Variants in PPIA observed in about 807,000 individuals in gnomAD.
PPIA encodes the protein peptidylprolyl isomerase A, also known as peptidyl-prolyl cis-trans isomerase A.
PPIA carries 2 observed loss-of-function variants against 15.3 expected under a neutral mutation model. That is an observed-to-expected ratio of 0.13 (90% CI 0.05 to 0.41). The LOEUF is 0.41. Ranked by LOEUF, PPIA falls within the 10% of genes least tolerant of loss-of-function variation. The pLI, the probability that PPIA is intolerant of heterozygous loss-of-function variation, is 0.99. For missense variants in PPIA, 103 were observed against 210.3 expected, an observed-to-expected ratio of 0.49 and a Z score of 3.16; for synonymous variants, 67 against 73.1, an observed-to-expected ratio of 0.92 and a Z score of 0.43.
chr7:44,801,501 G>T lies in PPIA; in HGVS notation c.*79G>T, dbSNP rs549994697. ...GAGCACCCCTCCACCCCATTTGCTC[G>T]CAGTATCCTAGAATCTTTGTGCTCT... On this transcript the variant is annotated 3_prime_UTR_variant, in exon 5 of 5. Coordinates refer to ENST00000468812, the MANE Select transcript of PPIA (RefSeq NM_021130.5). 1.8e-6 allele frequency: 2 copies of T among 1,125,084 alleles called. No individual in the cohort carries two copies. Among genetic ancestry groups the T allele is most frequent in the Non-Finnish European group, 2.6e-6 (2 of 777,642 alleles). The allele number at this position is 1,125,084 out of a possible 1,614,324, so 69.7% of individuals were successfully genotyped here. A position where few individuals can be genotyped will look rare whatever the true frequency, so the allele number is the denominator to read the frequency against.
chr7:44,799,608 CAGTTTGAACTTGGGTTTAA>C, intron 3 of PPIA, 75 bp from the exon 4 acceptor site: 1 of 1,578,296 alleles, frequency 6.3e-7, no homozygotes, highest in Non-Finnish European at 8.7e-7. Flanking sequence ...CCCTTCTATT[CAGTTTGAACTTGGGTTTAA>C]AGTTTGAACC....
intron 1 of PPIA, chr7:44,798,728 A>G (rs1046017645): frequency 1.0e-6 from 1 of 985,704 alleles, no homozygotes; most frequent in Non-Finnish European, 1.2e-6. Flanking sequence ...ACCAATCTTT[A>G]TTTTTTACCC....
chr7:44,797,187 G>C (rs1394188280), intron 1 of PPIA, among the ~76,000 whole-genome samples: 1 of 152,206 alleles, frequency 6.6e-6, no homozygotes, highest in African/African-American at 2.4e-5. Context: ...ACGCTCGCGG[G>C]GGCTTGCGAC....
intron 1 of PPIA, 156 bp from the exon 2 acceptor site, chr7:44,799,091 G>T (rs985072949): frequency 1.3e-5 from 14 of 1,086,648 alleles, no homozygotes; most frequent in Non-Finnish European, 1.8e-5. Context: ...TGCCTGCAGG[G>T]CCTTATGGCT....
intron 1 of PPIA, among the ~76,000 whole-genome samples, chr7:44,797,092 C>A (rs1792395227): frequency 6.6e-6 from 1 of 152,182 alleles, no homozygotes; most frequent in South Asian, 2.1e-4. Flanking sequence ...CGCACGTGCT[C>A]GGCGGCCGCG....
At chr7:44,799,575 T>A in intron 3 of PPIA, 95 bp downstream of exon 3, 2 of 1,569,454 alleles carry the variant, frequency 1.3e-6, no homozygotes, top group Non-Finnish European at 1.7e-6. Flanking sequence ...GAACTGTTAC[T>A]CTACCATTTC....
chr7:44,797,602 G>A (rs1018962083), intron 1 of PPIA, among the ~76,000 whole-genome samples: 1 of 152,132 alleles, frequency 6.6e-6, no homozygotes, highest in East Asian at 1.9e-4. Flanking sequence ...TGGCCACAAG[G>A]CAGGCCTCTT....
chr7:44,800,398 C>CT (rs57466816), intron 4 of PPIA: 45,954 of 141,966 alleles, frequency 0.32, 8,037 homozygotes, highest in Non-Finnish European at 0.39. Context: ...CAATTAAGTG[C>CT]TTTTTTTTTT....
rs1413157149 is a variant in PPIA, at chr7:44,802,968, G to C, written c.*1546G>C. Reference sequence around the variant, plus strand: ...TTTGTTTTACTGTCTGGTTCCTTCTGCGTGAATTACCACCACCACCACTTG... The same window carrying C: ...TTTGTTTTACTGTCTGGTTCCTTCTCCGTGAATTACCACCACCACCACTTG... On this transcript the variant is annotated 3_prime_UTR_variant, in exon 5 of 5. Coordinates refer to ENST00000468812, the MANE Select transcript of PPIA (RefSeq NM_021130.5). The C allele has an allele frequency of 6.6e-6, 1 of 152,166 alleles. No individual in the cohort carries two copies. Among genetic ancestry groups the C allele is most frequent in the East Asian group, 1.9e-4 (1 of 5,200 alleles). 9.4% of individuals were successfully genotyped at this position (152,166 alleles called of 1,614,324 possible).
rs910508214 is a variant in PPIA, at chr7:44,803,014, T to G, written c.*1592T>G. 2.6e-5 allele frequency: 4 copies of G among 152,198 alleles called. No individual in the cohort carries two copies. Among genetic ancestry groups the G allele is most frequent in the Non-Finnish European group, 5.9e-5 (4 of 68,040 alleles). 9.4% of individuals were successfully genotyped at this position (152,198 alleles called of 1,614,324 possible). ...ACTTGTGCATCTCAGTCTTGTGTGT[T>G]GTCTGGTTACGTATTCCCTGGGTGA... is the stretch of plus-strand genomic sequence containing the variant. On this transcript the variant is annotated 3_prime_UTR_variant, in exon 5 of 5. Transcript: ENST00000468812.
At position 44,801,733 on chromosome 7, in the gene PPIA, T is replaced by C. The variant is rs1369598395; in HGVS notation, c.*311T>C. On this transcript the variant is annotated 3_prime_UTR_variant, in exon 5 of 5. Transcript: ENST00000468812. ...TGCTTAATTCTACACAGTACTTAGA[T>C]TTTTTTTACTTTCCAGTCCCAGGAA... The C allele has an allele frequency of 6.0e-6, 1 of 165,504 alleles. No individual in the cohort carries two copies. Among genetic ancestry groups the C allele is most frequent in the African/African-American group, 1.1e-4 (1 of 9,420 alleles). 10.3% of individuals were successfully genotyped at this position (165,504 alleles called of 1,614,324 possible).
At position 44,796,820 on chromosome 7, in the gene PPIA, T is replaced by C. The variant is rs559945278; in HGVS notation, c.69+27T>C. ...TCGGGCGGGCGGCGGCGTGCGGGAA[T>C]GGGGCCCAGAAAGTGGGCCGGGGTC... is the stretch of plus-strand genomic sequence containing the variant. On this transcript the variant is annotated intron_variant, in intron 1 of 4. Transcript: ENST00000468812. 14 of 1,578,724 alleles carry C rather than the reference T, an allele frequency of 8.9e-6. No individual in the cohort carries two copies. In the African/African-American group the frequency reaches 1.4e-4, roughly 16 times the overall value.
chr7:44,796,719 T>C lies in PPIA; in HGVS notation c.-6T>C, dbSNP rs1188021935. On this transcript the variant is annotated 5_prime_UTR_variant, in exon 1 of 5. Coordinates refer to ENST00000468812, the MANE Select transcript of PPIA (RefSeq NM_021130.5). Reference sequence around the variant, plus strand: ...CACCGCCGAGGAAAACCGTGTACTATTAGCCATGGTCAACCCCACCGTGTT... The same window carrying C: ...CACCGCCGAGGAAAACCGTGTACTACTAGCCATGGTCAACCCCACCGTGTT... 1 of 1,610,512 alleles carries C rather than the reference T, an allele frequency of 6.2e-7. No individual in the cohort carries two copies. The highest frequency in any genetic ancestry group is 1.3e-5 in the African/African-American group (1 of 74,482).
intron 2 of PPIA, 56 bp downstream of exon 2, chr7:44,799,333 G>T (rs1792474824): frequency 1.1e-5 from 17 of 1,605,302 alleles, no homozygotes; most frequent in Non-Finnish European, 1.4e-5. Context: ...GTTTGTGTGT[G>T]TGTGTGTATA....
intron 4 of PPIA, 115 bp from the exon 5 acceptor site, chr7:44,801,172 C>G (rs569508755): frequency 8.4e-7 from 1 of 1,194,898 alleles, no homozygotes; most frequent in East Asian, 2.6e-5. Context: ...ACATTTAGTA[C>G]AAAAGGCTTC....
At chr7:44,797,289 A>T (rs1237983062) in intron 1 of PPIA, among the ~76,000 whole-genome samples, 1 of 152,094 alleles carries the variant, frequency 6.6e-6, no homozygotes. Flanking sequence ...TCAAGGATCG[A>T]GGCGCGGTGT....
At chr7:44,800,800 G>A (rs1351713006) in intron 4 of PPIA, among the ~76,000 whole-genome samples, 1 of 151,786 alleles carries the variant, frequency 6.6e-6, no homozygotes, top group Non-Finnish European at 1.5e-5. Flanking sequence ...TTGGGGGAGG[G>A]GGGCGCAATT....
In PPIA at chr7:44,802,678, C is replaced by G. The variant is rs958695092; in HGVS notation, c.*1256C>G. The G allele has an allele frequency of 6.6e-6, 1 of 152,190 alleles. No homozygotes were observed. The highest frequency in any genetic ancestry group is 1.5e-5 in the Non-Finnish European group (1 of 68,048). 9.4% of individuals were successfully genotyped at this position (152,190 alleles called of 1,614,324 possible). ...TGTAGCATATAGAGCCTCTCCCTAG[C>G]TTTGGTTATGGAGGCTTTGAGGTTT... On this transcript the variant is annotated 3_prime_UTR_variant, in exon 5 of 5. Transcript: ENST00000468812.
At chr7:44,799,659 T>C (rs762727686) in intron 3 of PPIA, 43 bp from the exon 4 acceptor site, 1 of 1,611,034 alleles carries the variant, frequency 6.2e-7, no homozygotes, top group South Asian at 1.1e-5. Context: ...GCACACTTCA[T>C]GGTTATGTTG....
Sources: allele counts gnomAD v4.1 joint callset (sites outside exome capture counted in the v4.1 genomes callset), GRCh38; gene constraint gnomAD v4.1.1; transcripts MANE v1.5; gene names NCBI Gene and HGNC (gene_info 2026-07-23, HGNC 2026-07-21).